Variants in METTL27 observed in about 807,000 individuals in gnomAD.
METTL27 encodes methyltransferase-like protein 27.
METTL27 carries 29 observed loss-of-function variants against 24.5 expected under a neutral mutation model. The observed-to-expected ratio is 1.18, with a 90% CI of 0.88 to 1.61. The LOEUF (loss-of-function observed/expected upper bound fraction) is 1.61, where lower values mean the gene tolerates loss of function less well. Ranked by LOEUF, METTL27 falls within the 40% of genes most tolerant of loss-of-function variation. The pLI, the probability that METTL27 is intolerant of heterozygous loss-of-function variation, is 0.00. For missense variants in METTL27, 341 were observed against 324.3 expected, an observed-to-expected ratio of 1.05 and a Z score of -0.40; for synonymous variants, 138 against 146.8, an observed-to-expected ratio of 0.94 and a Z score of 0.43.
At chr7:73,840,307 G>A in intron 4 of METTL27, 107 bp downstream of exon 4, 1 of 1,519,748 alleles carries the variant, frequency 6.6e-7, no homozygotes, top group Non-Finnish European at 8.9e-7. Context: ...GGGGTGCAGG[G>A]TTGAGTGAGG....
chr7:73,840,259 G>A, intron 4 of METTL27, 139 bp from the exon 5 acceptor site: 4 of 1,457,930 alleles, frequency 2.7e-6, no homozygotes, highest in Non-Finnish European at 3.7e-6. Context: ...TAGAGGATAA[G>A]GTAAGTATGG....
chr7:73,836,364 G>A (rs1428558289), intron 5 of METTL27, among the ~76,000 whole-genome samples: 1 of 136,280 alleles, frequency 7.3e-6, no homozygotes, highest in Non-Finnish European at 1.6e-5. Context: ...GAAGTGAGGA[G>A]CCCCTCTGCC....
At chr7:73,836,070 C>T (rs1364277205) in intron 5 of METTL27, among the ~76,000 whole-genome samples, 3 of 151,944 alleles carry the variant, frequency 2.0e-5, no homozygotes, top group Admixed American at 6.6e-5. Context: ...CCACCCCATC[C>T]GGGAGGGAGG....
chr7:73,838,899 C>T (rs1037848948), intron 5 of METTL27, among the ~76,000 whole-genome samples: 5 of 152,174 alleles, frequency 3.3e-5, no homozygotes, highest in South Asian at 2.1e-4. Context: ...AGCGCCTCCT[C>T]GTTCTCATGC....
At chr7:73,838,803 T>A (rs1282306171) in intron 5 of METTL27, among the ~76,000 whole-genome samples, 1 of 148,640 alleles carries the variant, frequency 6.7e-6, no homozygotes, top group African/African-American at 2.5e-5. Flanking sequence ...CTGCCCAGGC[T>A]TAGCCACAGC....
At position 73,842,052 on chromosome 7, in the gene METTL27, T is replaced by A. The variant is rs201986858; in HGVS notation, c.89A>T (p.His30Leu). The change falls in exon 2 of 6, where the codon CAT (histidine) becomes CTT (leucine). Residue 30 changes from histidine (H) to leucine (L), a missense_variant. Transcript: ENST00000297873. ...GTCCGGAGCCCAGCGGTCATAGAAATGGAGCTTTTGGGCCAGGTCGGGGAT... is the reference window on the plus strand; with the variant it reads ...GTCCGGAGCCCAGCGGTCATAGAAAAGGAGCTTTTGGGCCAGGTCGGGGAT... ...HGIPDLAQKL[H>L]FYDRWAPDYD... The A allele has an allele frequency of 4.8e-5, 77 of 1,614,080 alleles. No homozygotes were observed. Among genetic ancestry groups the A allele is most frequent in the Non-Finnish European group, 8.5e-7 (1 of 1,179,966 alleles).
At chr7:73,838,739 A>G (rs1788276262) in intron 5 of METTL27, among the ~76,000 whole-genome samples, 1 of 152,130 alleles carries the variant, frequency 6.6e-6, no homozygotes, top group South Asian at 2.1e-4. Context: ...AGCTGACCCC[A>G]TCCGTGTCCC....
At chr7:73,836,360 A>C (rs1298329519) in intron 5 of METTL27, among the ~76,000 whole-genome samples, 1 of 121,100 alleles carries the variant, frequency 8.3e-6, no homozygotes, top group South Asian at 2.9e-4. Context: ...CTGGGAAGTG[A>C]GGAGCCCCTC....
rs781956542 is a variant in METTL27 at position 73,842,126 on chromosome 7, C to A, written c.15G>T (p.Glu5Asp). Residue 5 changes from glutamate to aspartate, a missense_variant, in exon 2 of 6, where the codon GAG becomes GAT. Physicochemically the swap from Glu to Asp is conservative, Grantham distance 45 (BLOSUM62 2). Transcript: ENST00000297873. MAQEEGGSLPEVRAR... is the reference protein window; with the variant it reads MAQEDGGSLPEVRAR... ...CCCGCACCTCGGGCAGGCTCCCACC[C>A]TCCTCCTGGGCCATGCTCCTGTGGG... 1.2e-6 allele frequency: 2 copies of A among 1,611,794 alleles called. No individual in the cohort carries two copies. The highest frequency in any genetic ancestry group is 1.1e-5 in the South Asian group (1 of 91,016).
intron 5 of METTL27, among the ~76,000 whole-genome samples, chr7:73,838,557 T>C (rs781998178): frequency 2.6e-5 from 4 of 151,998 alleles, no homozygotes; most frequent in Admixed American, 6.6e-5. Context: ...GTGTTGCTGA[T>C]AGAAGGGAGC....
chr7:73,840,356 C>T, intron 4 of METTL27, 58 bp downstream of exon 4: 2 of 1,547,602 alleles, frequency 1.3e-6, no homozygotes, highest in Non-Finnish European at 1.7e-6. Context: ...GGAGGATCAG[C>T]AAGGGAAAGG....
chr7:73,839,969 T>C, intron 5 of METTL27, 62 bp downstream of exon 5: 2 of 1,466,030 alleles, frequency 1.4e-6, no homozygotes, highest in Non-Finnish European at 9.3e-7. Context: ...GTGTCTGCAC[T>C]ATGCACAGGG....
chr7:73,840,679 G>C, intron 3 of METTL27, 130 bp from the exon 4 acceptor site: 3 of 1,317,272 alleles, frequency 2.3e-6, no homozygotes. Flanking sequence ...AAATTTTTGA[G>C]ACAAGGTCTC....
chr7:73,837,345 AAAAT>A (rs150487757), intron 5 of METTL27, among the ~76,000 whole-genome samples: 10,794 of 144,128 alleles, frequency 0.075, 689 homozygotes, highest in African/African-American at 0.17. Context: ...CAATCAATTA[AAAAT>A]AAATAAATAA....
chr7:73,839,794 G>C (rs1200778667), intron 5 of METTL27: 2 of 475,494 alleles, frequency 4.2e-6, no homozygotes, highest in Non-Finnish European at 7.4e-6. Flanking sequence ...CTGCAGAGGA[G>C]GGTGGAGTTG....
rs113122730 is a variant in METTL27 at position 73,840,793 on chromosome 7, G to A, written c.253-244C>T. ...CCCACCTCAGCCTCCCATGTAGCTG[G>A]GACTACAGGCGTGCACCACCCTGCC... On this transcript the variant is annotated intron_variant, in intron 3 of 5. Transcript: ENST00000297873. Among the ~76,000 whole-genome samples, 19 of 152,222 alleles carry A rather than the reference G, an allele frequency of 1.2e-4. 1 individual carries two copies. Among genetic ancestry groups the A allele is most frequent in the African/African-American group, 4.6e-4 (19 of 41,538 alleles).
At chr7:73,835,043 CCA>C (rs782056954) in intron 5 of METTL27, 41 bp from the exon 6 acceptor site, 2 of 1,569,016 alleles carry the variant, frequency 1.3e-6, no homozygotes, top group Non-Finnish European at 8.6e-7. Flanking sequence ...GGGGCAGGAG[CCA>C]CAGTCCTGGG....
At chr7:73,835,759 G>T in intron 5 of METTL27, among the ~76,000 whole-genome samples, 1 of 82,148 alleles carries the variant, frequency 1.2e-5, no homozygotes. Context: ...ATCCGACCTA[G>T]GAAGTGAGGA....
chr7:73,840,568 A>G lies in METTL27; in HGVS notation c.253-19T>C. ...CCCGCAGCTGGGGTAGGGGTGGGAG[A>G]CTCAGTCATGGTTCACACCTGCCAC... On this transcript the variant is annotated intron_variant, in intron 3 of 5. Transcript: ENST00000297873. The G allele has an allele frequency of 6.4e-7, 1 of 1,565,710 alleles. No individual in the cohort carries two copies.
Sources: gnomAD v4.1 joint callset for allele counts (sites outside exome capture counted in the v4.1 genomes callset) on GRCh38, gnomAD v4.1.1 for gene constraint, MANE v1.5 for transcripts, NCBI Gene and HGNC (gene_info 2026-07-23, HGNC 2026-07-21) for gene names.